The following MICU2 variants were observed in gnomAD, a reference collection of about 807,000 sequenced individuals.
MICU2 encodes calcium uptake protein 2, mitochondrial.
In MICU2, 64 loss-of-function variants were observed where a neutral mutation model predicts 60.4. The ratio of observed to expected loss-of-function variants is 1.06; its 90% CI spans 0.87 to 1.31. The LOEUF is 1.31. Ranked by LOEUF, MICU2 falls within the 50% of genes most tolerant of loss-of-function variation. The probability of loss-of-function intolerance (pLI) is 0.00; values close to 1 mark genes in which losing one functional copy is unlikely to be tolerated. For missense variants in MICU2, 569 were observed against 531.0 expected, an observed-to-expected ratio of 1.07 and a Z score of -0.70; for synonymous variants, 201 against 175.0, an observed-to-expected ratio of 1.15 and a Z score of -1.17.
At chr13:21,517,867 A>C (rs1161000295) in intron 6 of MICU2, among the ~76,000 whole-genome samples, 1 of 152,032 alleles carries the variant, frequency 6.6e-6, no homozygotes, top group Admixed American at 6.5e-5. Flanking sequence ...AAGTGAAAAA[A>C]CTATTCAAAT....
chr13:21,506,681 T>C (rs1280409173), intron 8 of MICU2, among the ~76,000 whole-genome samples: 1 of 152,204 alleles, frequency 6.6e-6, no homozygotes, highest in African/African-American at 2.4e-5. Flanking sequence ...TCCACATTCA[T>C]CCTTTTCCCC....
intron 6 of MICU2, among the ~76,000 whole-genome samples, chr13:21,517,012 A>T (rs1398492312): frequency 6.6e-6 from 1 of 152,230 alleles, no homozygotes; most frequent in Non-Finnish European, 1.5e-5. Flanking sequence ...GGTAAAGATT[A>T]AATGGATTAA....
At chr13:21,530,289 C>A (rs959843885) in intron 4 of MICU2, among the ~76,000 whole-genome samples, 2 of 152,144 alleles carry the variant, frequency 1.3e-5, no homozygotes, top group Non-Finnish European at 2.9e-5. Flanking sequence ...TTTACTGTTT[C>A]TGGTTCCTTT....
chr13:21,603,658 A>T (rs1159845662), intron 1 of MICU2: 1 of 521,832 alleles, frequency 1.9e-6, no homozygotes, highest in African/African-American at 2.0e-5. Flanking sequence ...TCACCACTAA[A>T]TTAGTGCGGC....
In MICU2 at chr13:21,514,419, C is replaced by A; in HGVS notation, c.598-1G>T. The A allele has an allele frequency of 1.2e-6, 2 of 1,612,222 alleles. No individual in the cohort carries two copies. Among genetic ancestry groups the A allele is most frequent in the Non-Finnish European group, 1.7e-6 (2 of 1,179,198 alleles). Reference sequence around the variant, plus strand: ...CTTGTTTACTTATGATCTTCTGCAGCTAAAAAGATTACAAACATGAGTTTA... The same window carrying A: ...CTTGTTTACTTATGATCTTCTGCAGATAAAAAGATTACAAACATGAGTTTA... On this transcript the variant is annotated splice_acceptor_variant, in intron 6 of 11. Transcript: ENST00000382374. LOFTEE classifies it high-confidence loss of function.
chr13:21,591,056 G>A (rs954325078), intron 1 of MICU2, among the ~76,000 whole-genome samples: 8 of 151,972 alleles, frequency 5.3e-5, no homozygotes, highest in Non-Finnish European at 1.2e-4. Context: ...AATATAAATG[G>A]GCTAAATGCC....
At chr13:21,526,748 A>G (rs1297030171) in intron 4 of MICU2, among the ~76,000 whole-genome samples, 1 of 152,182 alleles carries the variant, frequency 6.6e-6, no homozygotes, top group African/African-American at 2.4e-5. Flanking sequence ...AGACAGATGA[A>G]GCTGAATATG....
intron 1 of MICU2, among the ~76,000 whole-genome samples, chr13:21,587,700 C>T (rs967596612): frequency 5.3e-5 from 8 of 152,174 alleles, no homozygotes; most frequent in Admixed American, 3.3e-4. Context: ...GACACTCTTA[C>T]CATTCATTCA....
In MICU2 at chr13:21,495,145, A is replaced by T. The variant is rs578217075; in HGVS notation, c.1200+16T>A. 9 of 1,558,056 alleles carry T rather than the reference A, an allele frequency of 5.8e-6. No individual in the cohort carries two copies. In the East Asian group the frequency reaches 6.7e-5, roughly 12 times the overall value. ...ATGACAATGTAAACATGTATTATAT[A>T]AAAAAAATCTGTTACCCATAAACCT... On this transcript the variant is annotated intron_variant, in intron 11 of 11. Coordinates refer to ENST00000382374, the MANE Select transcript of MICU2 (RefSeq NM_152726.3).
At chr13:21,602,969 CTT>C (rs11291826) in intron 1 of MICU2, among the ~76,000 whole-genome samples, 33,663 of 134,624 alleles carry the variant, frequency 0.25, 4,432 homozygotes, top group East Asian at 0.65. Flanking sequence ...GAACTTGAAT[CTT>C]TTTTTTTTTT....
intron 1 of MICU2, among the ~76,000 whole-genome samples, chr13:21,578,649 C>T (rs532382624): frequency 6.6e-6 from 1 of 152,090 alleles, no homozygotes; most frequent in South Asian, 2.1e-4. Context: ...GTGGGTTATG[C>T]TGATGTATTT....
chr13:21,554,130 G>A (rs1193488575), intron 2 of MICU2, among the ~76,000 whole-genome samples: 1 of 152,146 alleles, frequency 6.6e-6, no homozygotes, highest in Admixed American at 6.5e-5. Context: ...CAACGAGACA[G>A]AAAGTTAATA....
rs1025017546 is a variant in MICU2, at chr13:21,539,595, G to GC, written c.390+61dup. ...TTACAGGTGTGAGCCACCGTGCCCGGCCAAAAGTTCATTTTCTATCTTACC... is the reference window on the plus strand; with the variant it reads ...TTACAGGTGTGAGCCACCGTGCCCGGCCCAAAAGTTCATTTTCTATCTTACC... On this transcript the variant is annotated intron_variant, in intron 3 of 11. Transcript: ENST00000382374. 4.5e-5 allele frequency: 73 copies of GC among 1,605,968 alleles called. No individual in the cohort carries two copies. In the African/African-American group the frequency reaches 8.8e-4, roughly 19 times the overall value.
intron 2 of MICU2, among the ~76,000 whole-genome samples, chr13:21,556,078 T>C (rs1366733121): frequency 1.3e-5 from 2 of 152,188 alleles, no homozygotes; most frequent in Non-Finnish European, 2.9e-5. Context: ...TCTCTCTTTC[T>C]CTTTATGGCA....
intron 7 of MICU2, 106 bp from the exon 8 acceptor site, chr13:21,510,207 GCAACAA>G: frequency 2.1e-6 from 1 of 483,328 alleles, no homozygotes; most frequent in Middle Eastern, 6.6e-4. Context: ...TCTTCTTACA[GCAACAA>G]CAACAACAAC....
intron 2 of MICU2, among the ~76,000 whole-genome samples, chr13:21,544,516 G>GGAA (rs1555273297): frequency 1.3e-5 from 1 of 77,390 alleles, no homozygotes; most frequent in Non-Finnish European, 2.5e-5. Flanking sequence ...ATAAACACAT[G>GGAA]AAAAAAAAAA....
intron 9 of MICU2, among the ~76,000 whole-genome samples, chr13:21,500,525 C>T (rs1384912726): frequency 1.3e-5 from 2 of 151,362 alleles, no homozygotes; most frequent in Admixed American, 1.3e-4. Flanking sequence ...TCCAATTCTC[C>T]CGCCTCAGCC....
At chr13:21,549,603 T>C (rs538850721) in intron 2 of MICU2, among the ~76,000 whole-genome samples, 1 of 145,862 alleles carries the variant, frequency 6.9e-6, no homozygotes, top group Non-Finnish European at 1.5e-5. Context: ...CATTTGTTTA[T>C]TATTTACATA....
At chr13:21,525,521 T>C (rs992592211) in intron 4 of MICU2, among the ~76,000 whole-genome samples, 13 of 151,820 alleles carry the variant, frequency 8.6e-5, no homozygotes, top group African/African-American at 2.9e-4. Flanking sequence ...GGAATCGCCC[T>C]ACCTTTTCCA....
Sources: allele counts gnomAD v4.1 joint callset (sites outside exome capture counted in the v4.1 genomes callset), GRCh38; gene constraint gnomAD v4.1.1; transcripts MANE v1.5; gene names NCBI Gene and HGNC (gene_info 2026-07-23, HGNC 2026-07-21).